Variants in GOPC observed in about 807,000 individuals in gnomAD.
The protein encoded by GOPC is Golgi-associated PDZ and coiled-coil motif-containing protein.
A neutral mutation model predicts 51.2 loss-of-function variants in GOPC; 32 were observed. The ratio of observed to expected loss-of-function variants is 0.63; its 90% CI spans 0.47 to 0.84. GOPC has a LOEUF of 0.84. Ranked by LOEUF, GOPC falls within the 40% of genes least tolerant of loss-of-function variation. GOPC has a pLI of 0.00. For synonymous variants in GOPC, 190 were observed against 205.1 expected, an observed-to-expected ratio of 0.93 and a Z score of 0.63; for missense variants, 441 against 555.5, an observed-to-expected ratio of 0.79 and a Z score of 2.07.
intron 1 of GOPC, 81 bp downstream of exon 1, chr6:117,601,923 T>G: frequency 1.5e-5 from 22 of 1,467,258 alleles, no homozygotes; most frequent in Admixed American, 3.9e-5. Context: ...CTAGGGTCGT[T>G]TCACTGGAGC....
intron 5 of GOPC, among the ~76,000 whole-genome samples, chr6:117,572,716 C>G (rs905827408): frequency 3.9e-5 from 6 of 152,184 alleles, no homozygotes; most frequent in African/African-American, 1.4e-4. Context: ...TGGGAACCAC[C>G]AGTGCCCTAG....
At chr6:117,597,819 A>G (rs1223943355) in intron 1 of GOPC, among the ~76,000 whole-genome samples, 1 of 151,986 alleles carries the variant, frequency 6.6e-6, no homozygotes, top group South Asian at 2.1e-4. Context: ...CAATATGTGC[A>G]CTCCCATGTT....
At chr6:117,582,856 C>T (rs968629954) in intron 1 of GOPC, among the ~76,000 whole-genome samples, 2 of 151,660 alleles carry the variant, frequency 1.3e-5, no homozygotes, top group Non-Finnish European at 2.9e-5. Flanking sequence ...ATTCGGGACC[C>T]ACCAAGTGCA....
intron 2 of GOPC, 49 bp downstream of exon 2, chr6:117,578,851 A>T: frequency 7.4e-7 from 1 of 1,353,374 alleles, no homozygotes; most frequent in Non-Finnish European, 1.0e-6. Flanking sequence ...ATTGTCCTGT[A>T]CACCCTGTAA....
chr6:117,578,515 G>A (rs1333671213), intron 2 of GOPC, among the ~76,000 whole-genome samples: 1 of 151,988 alleles, frequency 6.6e-6, no homozygotes, highest in African/African-American at 2.4e-5. Flanking sequence ...GCCGGTCTCA[G>A]ATTTCATTTC....
At position 117,569,659 on chromosome 6, in the gene GOPC, C is replaced by T. The variant is rs779844840; in HGVS notation, c.990G>A (p.Leu330=). ...PGQPADRCGG[L]HVGDAILAVN... is the part of the protein sequence containing the mutation. ...CTGCCAAAATAGCATCCCCAACGTG[C>T]AGCCCTCCGCATCTATCAGCAGGTT... The change falls in exon 7 of 9, where the codon CTG becomes CTA. Residue 330 remains leucine (L), a synonymous_variant. Transcript: ENST00000368498. 2 of 1,612,420 alleles carry T rather than the reference C, an allele frequency of 1.2e-6. No homozygotes were observed. The highest frequency in any genetic ancestry group is 8.5e-7 in the Non-Finnish European group (1 of 1,179,516).
chr6:117,577,139 G>A (rs957902322), intron 3 of GOPC, among the ~76,000 whole-genome samples: 2 of 152,076 alleles, frequency 1.3e-5, no homozygotes, highest in African/African-American at 4.8e-5. Context: ...TCAATACCCT[G>A]AAGTGGGAAA....
At chr6:117,590,023 A>T (rs1285236543) in intron 1 of GOPC, among the ~76,000 whole-genome samples, 1 of 152,240 alleles carries the variant, frequency 6.6e-6, no homozygotes, top group East Asian at 1.9e-4. Flanking sequence ...CCTGAAGATC[A>T]GTCTTTCAGC....
At chr6:117,576,885 A>G (rs937822789) in intron 3 of GOPC, among the ~76,000 whole-genome samples, 2 of 152,102 alleles carry the variant, frequency 1.3e-5, no homozygotes, top group Non-Finnish European at 2.9e-5. Flanking sequence ...CCATAAGACA[A>G]ATTGGAACTT....
In GOPC at chr6:117,578,618, C is replaced by CA. The variant is rs887058787; in HGVS notation, c.450+281dup. Reference sequence around the variant, plus strand: ...ATTTAATCCAACTGATACAGTAGGGCAAAAAAAAATCTTATATGTTATAAT... The same window carrying CA: ...ATTTAATCCAACTGATACAGTAGGGCAAAAAAAAAATCTTATATGTTATAAT... On this transcript the variant is annotated intron_variant, in intron 2 of 8. Transcript: ENST00000368498. Among the ~76,000 whole-genome samples, 49 of 148,794 alleles carry CA rather than the reference C, an allele frequency of 3.3e-4. 2 individuals carry two copies. In the East Asian group the frequency reaches 6.5e-3, roughly 20 times the overall value.
intron 1 of GOPC, among the ~76,000 whole-genome samples, chr6:117,584,781 A>G (rs900325925): frequency 5.3e-5 from 8 of 151,788 alleles, no homozygotes; most frequent in African/African-American, 1.9e-4. Flanking sequence ...ATCATGGGGC[A>G]AATTCCTCAT....
At position 117,563,416 on chromosome 6, in the gene GOPC, T is replaced by C; in HGVS notation, c.1259-32A>G. Reference sequence around the variant, plus strand: ...GAAAGGAGAAAAAAAAAGCAGACACTTTCTGGTTTAAAAAGTTGGTTTTGG... The same window carrying C: ...GAAAGGAGAAAAAAAAAGCAGACACCTTCTGGTTTAAAAAGTTGGTTTTGG... On this transcript the variant is annotated intron_variant, in intron 8 of 8. Coordinates refer to ENST00000368498, the MANE Select transcript of GOPC (RefSeq NM_020399.4). The C allele has an allele frequency of 1.9e-6, 3 of 1,609,384 alleles. No homozygotes were observed. In the South Asian group the frequency reaches 3.3e-5, roughly 18 times the overall value.
rs749086830 is a variant in GOPC, at chr6:117,575,380, T to G, written c.475-28A>C. On this transcript the variant is annotated intron_variant, in intron 3 of 8. Transcript: ENST00000368498. ...ATGTAATTTTTAAAAGCATATAATT[T>G]AATGAAAATAAAAACTCTTTAGCAC... The G allele has an allele frequency of 3.3e-6, 5 of 1,519,228 alleles. No homozygotes were observed. The Admixed American group carries it at 7.5e-5, about 23-fold the overall frequency. 94.1% of individuals were successfully genotyped at this position (1,519,228 alleles called of 1,614,324 possible). A position where few individuals can be genotyped will look rare whatever the true frequency, so the allele number is the denominator to read the frequency against.
At chr6:117,590,256 T>G (rs1410313946) in intron 1 of GOPC, among the ~76,000 whole-genome samples, 2 of 152,118 alleles carry the variant, frequency 1.3e-5, no homozygotes, top group Non-Finnish European at 2.9e-5. Flanking sequence ...ATTCTAGAAG[T>G]TTTCTATTAG....
Position 117,563,103 on chromosome 6 carries a change from T to G in GOPC, c.*151A>C. 7.6e-6 allele frequency: 5 copies of G among 658,116 alleles called. No individual in the cohort carries two copies. The highest frequency in any genetic ancestry group is 1.9e-5 in the South Asian group (1 of 52,822). 40.8% of individuals were successfully genotyped at this position (658,116 alleles called of 1,614,324 possible). On this transcript the variant is annotated 3_prime_UTR_variant, in exon 9 of 9. Coordinates refer to ENST00000368498, the MANE Select transcript of GOPC (RefSeq NM_020399.4). ...ACAGAAAACAGGGTGTTTTATGCATTGAGAATTGTTCACATGAAGCCCTGA... is the reference window on the plus strand; with the variant it reads ...ACAGAAAACAGGGTGTTTTATGCATGGAGAATTGTTCACATGAAGCCCTGA...
At chr6:117,576,992 C>T (rs1463241435) in intron 3 of GOPC, among the ~76,000 whole-genome samples, 1 of 151,234 alleles carries the variant, frequency 6.6e-6, no homozygotes, top group Non-Finnish European at 1.5e-5. Flanking sequence ...GTTTCAAAGG[C>T]CATACGATTA....
rs1408448799 is a variant in GOPC at position 117,579,073 on chromosome 6, G to T, written c.286-9C>A. 6.3e-7 allele frequency: 1 copy of T among 1,580,330 alleles called. No homozygotes were observed. Among genetic ancestry groups the T allele is most frequent in the South Asian group, 1.2e-5 (1 of 85,240 alleles). ...AGATCCACCAACTGTGCCTTATAAAGAAAACAATAGAAGAAATTAAGGATG... is the reference window on the plus strand; with the variant it reads ...AGATCCACCAACTGTGCCTTATAAATAAAACAATAGAAGAAATTAAGGATG... On this transcript the variant is annotated splice_polypyrimidine_tract_variant and intron_variant, in intron 1 of 8. Transcript: ENST00000368498.
chr6:117,577,516 C>T (rs1419681564), intron 2 of GOPC, 45 bp from the exon 3 acceptor site: 3 of 1,487,598 alleles, frequency 2.0e-6, no homozygotes, highest in Non-Finnish European at 2.8e-6. Flanking sequence ...AAAGATCAAA[C>T]AAATGATTTT....
intron 2 of GOPC, among the ~76,000 whole-genome samples, chr6:117,578,457 G>A (rs566923162): frequency 6.6e-6 from 1 of 152,168 alleles, no homozygotes; most frequent in East Asian, 1.9e-4. Flanking sequence ...GTGATGGAAG[G>A]AATCTGGATC....
Sources: allele counts gnomAD v4.1 joint callset (sites outside exome capture counted in the v4.1 genomes callset), GRCh38; gene constraint gnomAD v4.1.1; transcripts MANE v1.5; gene names NCBI Gene and HGNC (gene_info 2026-07-23, HGNC 2026-07-21).